The following ZNF609 variants were observed in gnomAD, a reference collection of about 807,000 sequenced individuals.
The protein encoded by ZNF609 is zinc finger protein 609.
A neutral mutation model predicts 109.5 loss-of-function variants in ZNF609; 11 were observed. The ratio of observed to expected loss-of-function variants is 0.10; its 90% CI spans 0.06 to 0.17. The LOEUF (loss-of-function observed/expected upper bound fraction) is 0.17, where lower values mean the gene tolerates loss of function less well. Ranked by LOEUF, ZNF609 falls within the 10% of genes least tolerant of loss-of-function variation. ZNF609 has a pLI of 1.00. For missense variants in ZNF609, 1,559 were observed against 1,772.4 expected, an observed-to-expected ratio of 0.88 and a Z score of 2.16; for synonymous variants, 646 against 662.0, an observed-to-expected ratio of 0.98 and a Z score of 0.37.
At chr15:64,611,951 G>A (rs1895722417) in intron 2 of ZNF609, among the ~76,000 whole-genome samples, 1 of 151,000 alleles carries the variant, frequency 6.6e-6, no homozygotes, top group Non-Finnish European at 1.5e-5. Context: ...TGGCCAGGCT[G>A]GTCTTGAACT....
At chr15:64,596,315 G>T (rs571239622) in intron 2 of ZNF609, among the ~76,000 whole-genome samples, 221 of 152,056 alleles carry the variant, frequency 1.5e-3, no homozygotes, top group African/African-American at 4.9e-3. Context: ...CACCATGCCC[G>T]GCTAATTTTT....
At chr15:64,517,641 G>A (rs913130070) in intron 2 of ZNF609, among the ~76,000 whole-genome samples, 7 of 151,904 alleles carry the variant, frequency 4.6e-5, no homozygotes, top group African/African-American at 1.2e-4. Context: ...AGGCTGAGGT[G>A]GGAAGTTCCT....
At position 64,625,932 on chromosome 15, in the gene ZNF609, T is replaced by G. The variant is rs1479423394; in HGVS notation, c.973+2880T>G. On this transcript the variant is annotated intron_variant, in intron 3 of 9. Transcript: ENST00000326648. ...AAAAAAAAATATATATATATATATA[T>G]ATATAGAGAGAGAGAGAGAGAGAGA... is the stretch of plus-strand genomic sequence containing the variant. Among the ~76,000 whole-genome samples, 696 of 74,388 alleles carry G rather than the reference T, an allele frequency of 9.4e-3. 6 individuals are homozygous for G. Among genetic ancestry groups the G allele is most frequent in the Non-Finnish European group, 0.013 (495 of 38,994 alleles). 48.8% of individuals were successfully genotyped at this position (74,388 alleles called of 152,430 possible).
chr15:64,600,313 G>T (rs1895473903), intron 2 of ZNF609, among the ~76,000 whole-genome samples: 1 of 151,902 alleles, frequency 6.6e-6, no homozygotes, highest in Admixed American at 6.6e-5. Context: ...AGCTGAGCAT[G>T]GTGGCGGGCA....
intron 2 of ZNF609, among the ~76,000 whole-genome samples, chr15:64,539,025 A>G (rs1894200697): frequency 6.7e-6 from 1 of 149,396 alleles, no homozygotes; most frequent in Non-Finnish European, 1.5e-5. Flanking sequence ...TTCTTTTGAG[A>G]TGGAGTCTTG....
intron 2 of ZNF609, among the ~76,000 whole-genome samples, chr15:64,602,159 C>T (rs1895507566): frequency 6.6e-6 from 1 of 152,108 alleles, no homozygotes. Flanking sequence ...GCTTTTGGGC[C>T]CTACTTTTTT....
At chr15:64,650,615 A>T (rs1253631602) in intron 3 of ZNF609, among the ~76,000 whole-genome samples, 1 of 152,176 alleles carries the variant, frequency 6.6e-6, no homozygotes. Flanking sequence ...TTAGCAGGGC[A>T]GCCAGTGAAT....
chr15:64,645,316 C>T (rs1434128842), intron 3 of ZNF609, among the ~76,000 whole-genome samples: 1 of 151,962 alleles, frequency 6.6e-6, no homozygotes, highest in Non-Finnish European at 1.5e-5. Context: ...GTGTTGAACT[C>T]CTGGGCTCAA....
At chr15:64,636,277 A>T (rs539218754) in intron 3 of ZNF609, among the ~76,000 whole-genome samples, 1 of 152,250 alleles carries the variant, frequency 6.6e-6, no homozygotes, top group East Asian at 1.9e-4. Context: ...CTCCTGCCAG[A>T]TCCTTTATTT....
At chr15:64,609,433 G>A (rs1048710914) in intron 2 of ZNF609, among the ~76,000 whole-genome samples, 5 of 151,094 alleles carry the variant, frequency 3.3e-5, no homozygotes, top group South Asian at 2.1e-4. Context: ...CACCCTCCTC[G>A]GCCTCTCAAA....
rs71133442 is a variant in ZNF609 at position 64,573,346 on chromosome 15, CTTTTTT to C, written c.748-49460_748-49455del. ...GCAGTAGAGTTAGTGGCCCAACTTT[CTTTTTT>C]TTTTTTTTTTTTTTTTTTTTGAGAC... On this transcript the variant is annotated intron_variant, in intron 2 of 9. Coordinates refer to ENST00000326648, the MANE Select transcript of ZNF609 (RefSeq NM_015042.2). Among the ~76,000 whole-genome samples, 56 of 72,978 alleles carry C rather than the reference CTTTTTT, an allele frequency of 7.7e-4. 1 individual carries two copies. The highest frequency in any genetic ancestry group is 1.0e-3 in the Non-Finnish European group (43 of 41,038). The allele number at this position is 72,978 out of a possible 152,430, so 47.9% of individuals were successfully genotyped here. A position where few individuals can be genotyped will look rare whatever the true frequency, so the allele number is the denominator to read the frequency against.
chr15:64,657,828 C>T (rs1896512830), intron 3 of ZNF609, among the ~76,000 whole-genome samples: 1 of 152,246 alleles, frequency 6.6e-6, no homozygotes, highest in African/African-American at 2.4e-5. Context: ...GTCATGGTGG[C>T]TGACTCTTGT....
intron 1 of ZNF609, among the ~76,000 whole-genome samples, chr15:64,490,310 G>T (rs182955654): frequency 7.3e-6 from 1 of 137,846 alleles, no homozygotes; most frequent in African/African-American, 2.8e-5. Flanking sequence ...TTTTGCTCCC[G>T]TTGCCCAGGC....
At chr15:64,497,661 G>A (rs1268576601) in intron 1 of ZNF609, among the ~76,000 whole-genome samples, 1 of 152,028 alleles carries the variant, frequency 6.6e-6, no homozygotes, top group East Asian at 1.9e-4. Context: ...CAACACTTTG[G>A]GAGGTCGAGG....
At position 64,674,885 on chromosome 15, in the gene ZNF609, A is replaced by G; in HGVS notation, c.2031A>G (p.Thr677=). The G allele has an allele frequency of 6.2e-7, 1 of 1,614,110 alleles. No individual in the cohort carries two copies. The highest frequency in any genetic ancestry group is 2.2e-5 in the East Asian group (1 of 44,874). ...QIYTFQTATF[T]AASPGSSSGL... ...ACACCTTCCAGACAGCCACCTTCAC[A>G]GCAGCGAGCCCAGGCTCTTCCTCAG... The change falls in exon 5 of 10, where the codon ACA becomes ACG. Residue 677 remains threonine (T), a synonymous_variant. Transcript: ENST00000326648.
chr15:64,547,504 T>A (rs979275432), intron 2 of ZNF609, among the ~76,000 whole-genome samples: 3 of 152,222 alleles, frequency 2.0e-5, no homozygotes, highest in Non-Finnish European at 2.9e-5. Flanking sequence ...TGCTTTGCCC[T>A]CTGGGCTTTT....
intron 2 of ZNF609, among the ~76,000 whole-genome samples, chr15:64,616,789 G>T (rs1407404445): frequency 4.0e-5 from 5 of 126,008 alleles, no homozygotes; most frequent in African/African-American, 1.2e-4. Flanking sequence ...AAAGTGCTGG[G>T]ATTACAGGTG....
intron 3 of ZNF609, among the ~76,000 whole-genome samples, chr15:64,655,300 G>A (rs547540051): frequency 5.3e-5 from 8 of 150,768 alleles, no homozygotes; most frequent in East Asian, 2.0e-4. Context: ...AAAATTAGCC[G>A]GCATGGTGGC....
Position 64,614,816 on chromosome 15 carries a change from T to C in ZNF609, c.748-8011T>C, listed in dbSNP as rs965473136. Among the ~76,000 whole-genome samples, 630 of 139,276 alleles carry C rather than the reference T, an allele frequency of 4.5e-3. 9 individuals are homozygous for C. The highest frequency in any genetic ancestry group is 0.016 in the African/African-American group (608 of 37,526). 91.4% of individuals were successfully genotyped at this position (139,276 alleles called of 152,430 possible). The stretch of plus-strand genomic sequence containing the variant: ...TGGTAAAGATAACATCTCGCTTTTT[T>C]TTTTTTTTTTTTTTTTTTTTTAGGC... On this transcript the variant is annotated intron_variant, in intron 2 of 9. Transcript: ENST00000326648.
Sources: allele counts gnomAD v4.1 joint callset (sites outside exome capture counted in the v4.1 genomes callset), GRCh38; gene constraint gnomAD v4.1.1; transcripts MANE v1.5; gene names NCBI Gene and HGNC (gene_info 2026-07-23, HGNC 2026-07-21).